The following FRAS1 variants were observed in gnomAD, a reference collection of about 807,000 sequenced individuals.
FRAS1 encodes the protein Fraser extracellular matrix complex subunit 1, also known as extracellular matrix organizing protein FRAS1.
Under a neutral mutation model 435.2 loss-of-function variants are expected in FRAS1, and 290 were observed. The ratio of observed to expected loss-of-function variants is 0.67; its 90% CI spans 0.61 to 0.73. The LOEUF is 0.73. FRAS1 is among the 30% of genes least tolerant of loss of function. The pLI is 0.00. For missense variants in FRAS1, 4,860 were observed against 5,001.5 expected, an observed-to-expected ratio of 0.97 and a Z score of 0.85; for synonymous variants, 1,800 against 1,851.0, an observed-to-expected ratio of 0.97 and a Z score of 0.71.
chr4:78,231,612 C>T (rs1431240811), intron 2 of FRAS1, among the ~76,000 whole-genome samples: 1 of 151,904 alleles, frequency 6.6e-6, no homozygotes, highest in African/African-American at 2.4e-5. Flanking sequence ...GGTTATTACA[C>T]CATTTAGATG....
intron 2 of FRAS1, among the ~76,000 whole-genome samples, chr4:78,129,858 C>T (rs1719596287): frequency 6.6e-6 from 1 of 152,098 alleles, no homozygotes; most frequent in African/African-American, 2.4e-5. Flanking sequence ...TCCAACTCTC[C>T]ATTTTCTCAG....
chr4:78,090,424 T>C (rs1741457018), intron 2 of FRAS1, among the ~76,000 whole-genome samples: 1 of 152,200 alleles, frequency 6.6e-6, no homozygotes, highest in Non-Finnish European at 1.5e-5. Context: ...TTATACTAAG[T>C]TTAAAGCTAT....
At chr4:78,395,306 T>C (rs529490941) in intron 29 of FRAS1, among the ~76,000 whole-genome samples, 14 of 152,142 alleles carry the variant, frequency 9.2e-5, no homozygotes, top group African/African-American at 2.9e-4. Context: ...GAATGTTCCA[T>C]ATGTGCTGGA....
In FRAS1 at chr4:78,482,445, A is replaced by G. The variant is rs370485883; in HGVS notation, c.8662A>G (p.Thr2888Ala). The G allele has an allele frequency of 1.2e-6, 2 of 1,613,914 alleles. No individual in the cohort carries two copies. The highest frequency in any genetic ancestry group is 2.7e-5 in the African/African-American group (2 of 75,028). The change falls in exon 58 of 74, where the codon ACA becomes GCA. Residue 2888 changes from threonine to alanine, a missense_variant. Thr to Ala is a moderately conservative substitution (Grantham distance 58). Transcript: ENST00000512123. Reference sequence around the variant, plus strand: ...GTATCCGGTAATTGAAGGACTGGAGACATTTGTGGTTTTCCTCAGCTCAGC... The same window carrying G: ...GTATCCGGTAATTGAAGGACTGGAGGCATTTGTGGTTTTCCTCAGCTCAGC... ...TQYPVIEGLE[T>A]FVVFLSSAQG...
At position 78,096,015 on chromosome 4, in the gene FRAS1, C is replaced by T. The variant is rs575885514; in HGVS notation, c.108+29999C>T. Among the ~76,000 whole-genome samples, 34 of 152,276 alleles carry T rather than the reference C, an allele frequency of 2.2e-4. No individual in the cohort carries two copies. In the Middle Eastern group the frequency reaches 0.017, roughly 76 times the overall value. ...CATCTGAGACAAGGCAAGTCCCTTC[C>T]GCCTATGAGCCTGTAAAATCAAAAG... On this transcript the variant is annotated intron_variant, in intron 2 of 73. Coordinates refer to ENST00000512123, the MANE Select transcript of FRAS1 (RefSeq NM_025074.7).
At chr4:78,079,066 C>G (rs566826572) in intron 2 of FRAS1, among the ~76,000 whole-genome samples, 18 of 152,200 alleles carry the variant, frequency 1.2e-4, no homozygotes, top group African/African-American at 4.1e-4. Context: ...TGACATAGAA[C>G]ATTATGTAGC....
At chr4:78,180,146 G>A (rs4859915) in intron 2 of FRAS1, among the ~76,000 whole-genome samples, 3,300 of 152,226 alleles carry the variant, frequency 0.022, 63 homozygotes, top group Admixed American at 0.053. Context: ...CAGGCTCTGG[G>A]TGTGCTGGAT....
chr4:78,489,106 G>C (rs778897905), intron 59 of FRAS1, 26 bp downstream of exon 59: 3 of 1,586,282 alleles, frequency 1.9e-6, no homozygotes, highest in Non-Finnish European at 2.6e-6. Flanking sequence ...GTGGCTGAAA[G>C]ATGAGATTCT....
intron 63 of FRAS1, 138 bp downstream of exon 63, chr4:78,509,144 T>C (rs1720949653): frequency 4.2e-6 from 4 of 943,518 alleles, no homozygotes; most frequent in Non-Finnish European, 6.3e-6. Flanking sequence ...CACAGTCTTT[T>C]TACTCTTATA....
At chr4:78,373,215 T>C (rs1460361096) in intron 24 of FRAS1, among the ~76,000 whole-genome samples, 2 of 151,996 alleles carry the variant, frequency 1.3e-5, no homozygotes, top group African/African-American at 4.8e-5. Flanking sequence ...GACCCGATTA[T>C]TTCACTATCT....
At chr4:78,240,530 A>G (rs1009919323) in intron 3 of FRAS1, among the ~76,000 whole-genome samples, 6 of 152,208 alleles carry the variant, frequency 3.9e-5, no homozygotes, top group Non-Finnish European at 8.8e-5. Flanking sequence ...ATTAAGAAAA[A>G]CAGCCCATCT....
chr4:78,316,534 C>G (rs887202118), intron 16 of FRAS1, among the ~76,000 whole-genome samples: 1 of 152,118 alleles, frequency 6.6e-6, no homozygotes, highest in Non-Finnish European at 1.5e-5. Flanking sequence ...CTCTACCCAC[C>G]ACCCCCAACT....
At chr4:78,271,726 TG>T (rs200540202) in intron 9 of FRAS1, among the ~76,000 whole-genome samples, 4,033 of 152,334 alleles carry the variant, frequency 0.026, 183 homozygotes, top group African/African-American at 0.09. Flanking sequence ...GATGGGCATT[TG>T]GGTTGGTTCT....
intron 3 of FRAS1, among the ~76,000 whole-genome samples, chr4:78,243,921 G>A (rs1206835612): frequency 1.3e-5 from 2 of 152,084 alleles, no homozygotes; most frequent in African/African-American, 2.4e-5. Context: ...GTGGAAATTA[G>A]GCTAATGTAG....
chr4:78,482,259 A>AT, intron 57 of FRAS1, 129 bp from the exon 58 acceptor site: 1 of 1,027,114 alleles, frequency 9.7e-7, no homozygotes, highest in East Asian at 2.4e-5. Context: ...AGAGATCATC[A>AT]TGTTATGGAT....
chr4:78,499,711 A>G lies in FRAS1; in HGVS notation c.9116-10A>G, dbSNP rs1185956502. On this transcript the variant is annotated splice_polypyrimidine_tract_variant and intron_variant, in intron 60 of 73. Transcript: ENST00000512123. ...AACTGGCTCTTGTTTTCCTAACCAT[A>G]TTTCCTTAGCCCCCACCATTGAGTT... is the stretch of plus-strand genomic sequence containing the variant. 5 of 1,612,270 alleles carry G rather than the reference A, an allele frequency of 3.1e-6. No homozygotes were observed. Among genetic ancestry groups the G allele is most frequent in the Non-Finnish European group, 8.5e-7 (1 of 1,179,024 alleles).
At chr4:78,359,230 C>T (rs575708789) in intron 20 of FRAS1, among the ~76,000 whole-genome samples, 3 of 152,206 alleles carry the variant, frequency 2.0e-5, no homozygotes, top group East Asian at 1.9e-4. Context: ...CCTGTGGGGT[C>T]GGCTACTCGT....
chr4:78,424,732 A>C (rs974275313), intron 35 of FRAS1, among the ~76,000 whole-genome samples: 2 of 151,862 alleles, frequency 1.3e-5, no homozygotes, highest in African/African-American at 4.8e-5. Flanking sequence ...ACTTAAGCCC[A>C]GGGGTTCAAG....
intron 25 of FRAS1, among the ~76,000 whole-genome samples, chr4:78,374,791 G>A (rs146099376): frequency 2.0e-5 from 3 of 152,232 alleles, no homozygotes; most frequent in East Asian, 3.9e-4. Flanking sequence ...AACTTGGTTC[G>A]TATGCCCCAC....
Sources: gnomAD v4.1 joint callset for allele counts (sites outside exome capture counted in the v4.1 genomes callset) on GRCh38, gnomAD v4.1.1 for gene constraint, MANE v1.5 for transcripts, NCBI Gene and HGNC (gene_info 2026-07-23, HGNC 2026-07-21) for gene names.